Variants in BIN1 observed in about 807,000 individuals in gnomAD.
BIN1 encodes the protein myc box-dependent-interacting protein 1.
Under a neutral mutation model 82.0 loss-of-function variants are expected in BIN1, and 53 were observed. The ratio of observed to expected loss-of-function variants is 0.65; its 90% CI spans 0.52 to 0.81. The LOEUF (loss-of-function observed/expected upper bound fraction) is 0.81, where lower values mean the gene tolerates loss of function less well. BIN1 is among the 40% of genes least tolerant of loss of function. The pLI, the probability that BIN1 is intolerant of heterozygous loss-of-function variation, is 0.00. For synonymous variants in BIN1, 302 were observed against 328.0 expected, an observed-to-expected ratio of 0.92 and a Z score of 0.86; for missense variants, 642 against 784.4, an observed-to-expected ratio of 0.82 and a Z score of 2.17.
chr2:127,080,279 G>A (rs1241695369), intron 1 of BIN1, among the ~76,000 whole-genome samples: 1 of 152,256 alleles, frequency 6.6e-6, no homozygotes, highest in Non-Finnish European at 1.5e-5. Flanking sequence ...TCCACACTTG[G>A]TTAGTGGGGC....
rs756097152 is a variant in BIN1, at chr2:127,063,612, T to C, written c.733A>G (p.Ile245Val). ...VGFYVNTFQS[I>V]AGLEENFHKE... ...TGGAAGTTTTCCTCCAGGCCCGCGA[T>C]GCTCTGGAACGTGTTGACGTAGAAA... Residue 245 changes from isoleucine to valine, a missense_variant, in exon 9 of 19, where the codon ATC (isoleucine) becomes GTC (valine). By Grantham distance (29) the Ile-to-Val change is conservative (BLOSUM62 3). Coordinates refer to ENST00000316724, the MANE Select transcript of BIN1 (RefSeq NM_139343.3). 3.7e-6 allele frequency: 6 copies of C among 1,614,028 alleles called. No homozygotes were observed. The East Asian group carries it at 1.1e-4, about 30-fold the overall frequency.
intron 1 of BIN1, among the ~76,000 whole-genome samples, chr2:127,102,790 G>A (rs1458280479): frequency 6.6e-6 from 1 of 152,232 alleles, no homozygotes; most frequent in Non-Finnish European, 1.5e-5. Context: ...AGCCTTCCCT[G>A]CAGGGTGAGA....
intron 2 of BIN1, among the ~76,000 whole-genome samples, chr2:127,073,218 T>C (rs1686138415): frequency 6.6e-6 from 1 of 152,082 alleles, no homozygotes; most frequent in Non-Finnish European, 1.5e-5. Flanking sequence ...TCCTCATCAG[T>C]CCCCAGGGTA....
At chr2:127,101,458 T>C (rs1315679145) in intron 1 of BIN1, among the ~76,000 whole-genome samples, 4 of 152,142 alleles carry the variant, frequency 2.6e-5, no homozygotes, top group Admixed American at 6.5e-5. Flanking sequence ...CAGAAAGTCC[T>C]GAGGGCAGGT....
chr2:127,091,473 T>G (rs1481982616), intron 1 of BIN1, among the ~76,000 whole-genome samples: 1 of 152,242 alleles, frequency 6.6e-6, no homozygotes, highest in African/African-American at 2.4e-5. Flanking sequence ...ATGGACCTAC[T>G]TCGAGTCCAA....
Position 127,062,131 on chromosome 2 carries a change from C to T in BIN1, c.841G>A (p.Val281Ile). The change falls in exon 10 of 19, where the codon GTC (valine) becomes ATC (isoleucine). Residue 281 changes from valine to isoleucine, a missense_variant. Physicochemically the swap from Val to Ile is conservative, Grantham distance 29 (BLOSUM62 3). Transcript: ENST00000316724. ...EKQHGSNTFT[V>I]KAQPSDNAPA... ...CGCACGCACCTGGGCTGGGCCTTGA[C>T]CGTGAAGGTGTTGCTCCCGTGTTGC... is the stretch of plus-strand genomic sequence containing the variant. 2 of 1,609,944 alleles carry T rather than the reference C, an allele frequency of 1.2e-6. No individual in the cohort carries two copies. The highest frequency in any genetic ancestry group is 1.7e-6 in the Non-Finnish European group (2 of 1,178,450).
chr2:127,072,154 G>C (rs532171950), intron 2 of BIN1, among the ~76,000 whole-genome samples: 43 of 152,226 alleles, frequency 2.8e-4, no homozygotes, highest in Non-Finnish European at 5.9e-4. Flanking sequence ...TCATGCTTGC[G>C]CAAGAGCCGG....
chr2:127,103,224 T>C lies in BIN1; in HGVS notation c.84+3636A>G, dbSNP rs115871352. ...CATGCACCCACTCTCAGGTGTAGCA[T>C]TGCTGCTTCTGAGGTTGCTGCAAAT... On this transcript the variant is annotated intron_variant, in intron 1 of 18. Coordinates refer to ENST00000316724, the MANE Select transcript of BIN1 (RefSeq NM_139343.3). 3.7e-3 allele frequency among the ~76,000 whole-genome samples: 571 copies of C among 152,306 alleles called. 1 individual carries two copies. The highest frequency in any genetic ancestry group is 0.013 in the African/African-American group (550 of 41,558).
At chr2:127,049,290 T>C (rs1254754007) in intron 18 of BIN1, among the ~76,000 whole-genome samples, 1 of 152,186 alleles carries the variant, frequency 6.6e-6, no homozygotes, top group African/African-American at 2.4e-5. Flanking sequence ...CAATTCTCAC[T>C]GTGGGCTCTG....
intron 1 of BIN1, among the ~76,000 whole-genome samples, chr2:127,087,343 G>A (rs1356691859): frequency 6.6e-6 from 1 of 152,176 alleles, no homozygotes; most frequent in African/African-American, 2.4e-5. Context: ...CCCAGAGAAC[G>A]AGTGTCCAGT....
chr2:127,068,015 TC>T lies in BIN1; in HGVS notation c.612+147del. On this transcript the variant is annotated intron_variant, in intron 7 of 18. Transcript: ENST00000316724. This position sits in a 1 kb window ranked among gnomAD's most constrained non-coding sequence, Gnocchi z 4.9. ...CCCCTACATTTGACTTCAGGTCTCC[TC>T]TGAAGCAGAGCTCTCCCAGCAGAGG... 8.4e-6 allele frequency: 7 copies of T among 834,998 alleles called. No individual in the cohort carries two copies. The South Asian group carries it at 1.0e-4, about 12-fold the overall frequency. 51.7% of individuals were successfully genotyped at this position (834,998 alleles called of 1,614,324 possible).
In BIN1 at chr2:127,078,190, C is replaced by A. The variant is rs972110099; in HGVS notation, c.85-1484G>T. ...TGTGCTGCCCTGCTGCACTTCCCCC[C>A]CCAGCCAGGCCCAGAAGCCTTGGCA... On this transcript the variant is annotated intron_variant, in intron 1 of 18. Coordinates refer to ENST00000316724, the MANE Select transcript of BIN1 (RefSeq NM_139343.3). Among the ~76,000 whole-genome samples the A allele has an allele frequency of 1.6e-4, 25 of 151,988 alleles. No homozygotes were observed. In the East Asian group the frequency reaches 3.1e-3, roughly 19 times the overall value.
intron 4 of BIN1, 35 bp from the exon 5 acceptor site, chr2:127,070,125 A>T: frequency 9.4e-6 from 15 of 1,594,060 alleles, no homozygotes; most frequent in Non-Finnish European, 1.3e-5. Flanking sequence ...TGCCACCAGG[A>T]GGGCTGGGCC....
Position 127,049,126 on chromosome 2 carries a change from A to C in BIN1, c.1675-493T>G, listed in dbSNP as rs558741587. 5.3e-4 allele frequency among the ~76,000 whole-genome samples: 81 copies of C among 152,256 alleles called. No individual in the cohort carries two copies. The South Asian group carries it at 0.016, about 30-fold the overall frequency. ...GTGGGTCACGGGGAGCCGTATGGCC[A>C]TCCACTCCTGCCAGTGGCTGGGCCG... is the stretch of plus-strand genomic sequence containing the variant. On this transcript the variant is annotated intron_variant, in intron 18 of 18. Transcript: ENST00000316724.
chr2:127,097,527 C>T lies in BIN1; in HGVS notation c.84+9333G>A, dbSNP rs528335060. 5.9e-5 allele frequency among the ~76,000 whole-genome samples: 9 copies of T among 152,286 alleles called. No individual in the cohort carries two copies. In the South Asian group the frequency reaches 1.7e-3, roughly 28 times the overall value. On this transcript the variant is annotated intron_variant, in intron 1 of 18. Transcript: ENST00000316724. Reference sequence around the variant, plus strand: ...GGATGTTTTCCACCTGCCCTTCCAGCGACAGGTGTCACCTGGCCCCTGTGT... The same window carrying T: ...GGATGTTTTCCACCTGCCCTTCCAGTGACAGGTGTCACCTGGCCCCTGTGT...
Position 127,059,245 on chromosome 2 carries a change from G to A in BIN1, c.858-90C>T. 6.8e-7 allele frequency: 1 copy of A among 1,465,046 alleles called. No individual in the cohort carries two copies. The highest frequency in any genetic ancestry group is 9.2e-7 in the Non-Finnish European group (1 of 1,081,268). 90.8% of individuals were successfully genotyped at this position (1,465,046 alleles called of 1,614,324 possible). A position where few individuals can be genotyped will look rare whatever the true frequency, so the allele number is the denominator to read the frequency against. ...AAATGTATTGACGTCTGTGTGAAGA[G>A]GTGTGTGCATATGGAGGTGTGAAAC... On this transcript the variant is annotated intron_variant, in intron 10 of 18. Transcript: ENST00000316724. This position sits in a 1 kb window ranked among gnomAD's most constrained non-coding sequence, Gnocchi z 6.7.
chr2:127,063,131 G>A (rs989138906), intron 9 of BIN1, among the ~76,000 whole-genome samples: 2 of 152,356 alleles, frequency 1.3e-5, no homozygotes, highest in Non-Finnish European at 2.9e-5. Flanking sequence ...AGACCCTGTC[G>A]CACAGTGGAT....
At chr2:127,078,974 C>G (rs1001371641) in intron 1 of BIN1, among the ~76,000 whole-genome samples, 3 of 152,178 alleles carry the variant, frequency 2.0e-5, no homozygotes, top group African/African-American at 7.2e-5. Context: ...GACTGCCCAG[C>G]TCCCAAGGCA....
chr2:127,049,965 C>T (rs1466285927), intron 18 of BIN1, among the ~76,000 whole-genome samples: 5 of 152,212 alleles, frequency 3.3e-5, no homozygotes, highest in Admixed American at 6.5e-5. Flanking sequence ...CCTCGAGGGA[C>T]GGCACACGGG....
Sources: allele counts gnomAD v4.1 joint callset (sites outside exome capture counted in the v4.1 genomes callset), GRCh38; gene constraint gnomAD v4.1.1; non-coding constraint Gnocchi (gnomAD v3.1); transcripts MANE v1.5; gene names NCBI Gene and HGNC (gene_info 2026-07-23, HGNC 2026-07-21).